MAPKAP1: variants seen among roughly 807,000 people sequenced by gnomAD.
MAPKAP1 encodes MAPK associated protein 1.
In MAPKAP1, 20 loss-of-function variants were observed where a neutral mutation model predicts 65.7. The ratio of observed to expected loss-of-function variants is 0.30; its 90% CI spans 0.21 to 0.44. The LOEUF is 0.44. Among genes scored for constraint, MAPKAP1 ranks in the 20% least tolerant of loss-of-function variants. The pLI is 1.00. For missense variants in MAPKAP1, 423 were observed against 648.0 expected, an observed-to-expected ratio of 0.65 and a Z score of 3.77; for synonymous variants, 222 against 244.3, an observed-to-expected ratio of 0.91 and a Z score of 0.85.
chr9:125,579,891 A>C (rs1425586957), intron 5 of MAPKAP1, among the ~76,000 whole-genome samples: 1 of 152,202 alleles, frequency 6.6e-6, no homozygotes, highest in Non-Finnish European at 1.5e-5. Context: ...ATTTCAAAAG[A>C]CCATGGTTTA....
chr9:125,654,915 T>C (rs1348107166), intron 4 of MAPKAP1, among the ~76,000 whole-genome samples: 1 of 152,170 alleles, frequency 6.6e-6, no homozygotes, highest in Admixed American at 6.6e-5. Context: ...AAGTAGTTTT[T>C]TAGCATATTT....
rs538120511 is a variant in MAPKAP1, at chr9:125,634,987, A to G, written c.498+22664T>C. Among the ~76,000 whole-genome samples the G allele has an allele frequency of 5.3e-5, 8 of 152,150 alleles. No homozygotes were observed. The South Asian group carries it at 1.0e-3, about 20-fold the overall frequency. ...TAGTCTTCTGCTTTTCTCCATCTCA[A>G]TCTACTGGAAGGAAATGTCATCTCC... On this transcript the variant is annotated intron_variant, in intron 4 of 11. Coordinates refer to ENST00000265960, the MANE Select transcript of MAPKAP1 (RefSeq NM_001006617.3).
intron 4 of MAPKAP1, among the ~76,000 whole-genome samples, chr9:125,646,650 A>T (rs1833734075): frequency 1.3e-5 from 2 of 152,222 alleles, no homozygotes; most frequent in South Asian, 4.1e-4. Context: ...ACTTGTTTTA[A>T]AGCTAGAAAC....
chr9:125,676,239 C>A (rs1221825539), intron 1 of MAPKAP1, among the ~76,000 whole-genome samples: 1 of 152,122 alleles, frequency 6.6e-6, no homozygotes, highest in Non-Finnish European at 1.5e-5. Context: ...TCTGGGCAAT[C>A]CTACTTCTAG....
chr9:125,566,024 G>A (rs757547860), intron 5 of MAPKAP1, among the ~76,000 whole-genome samples: 8 of 152,160 alleles, frequency 5.3e-5, no homozygotes, highest in Non-Finnish European at 1.0e-4. Flanking sequence ...CTAACTTGGT[G>A]ATTTTTACTG....
intron 5 of MAPKAP1, among the ~76,000 whole-genome samples, chr9:125,578,346 T>C (rs1831513375): frequency 6.6e-6 from 1 of 151,910 alleles, no homozygotes; most frequent in South Asian, 2.1e-4. Context: ...TGTTCACTTG[T>C]TTATCTGCTG....
chr9:125,680,642 T>C (rs1362873174), intron 1 of MAPKAP1, among the ~76,000 whole-genome samples: 1 of 152,226 alleles, frequency 6.6e-6, no homozygotes, highest in African/African-American at 2.4e-5. Flanking sequence ...AAGTGCTTAC[T>C]AGACTAAAAT....
At chr9:125,647,631 G>T (rs189442282) in intron 4 of MAPKAP1, among the ~76,000 whole-genome samples, 21 of 152,302 alleles carry the variant, frequency 1.4e-4, no homozygotes, top group Middle Eastern at 3.4e-3. Context: ...CACTGGGCAC[G>T]ATCATTCATG....
chr9:125,671,589 GT>G (rs1834498712), intron 2 of MAPKAP1, among the ~76,000 whole-genome samples: 1 of 151,404 alleles, frequency 6.6e-6, no homozygotes, highest in South Asian at 2.1e-4. Flanking sequence ...ATTTGTCTAA[GT>G]AAAAAAAAAA....
intron 4 of MAPKAP1, among the ~76,000 whole-genome samples, chr9:125,654,190 C>T (rs1423444896): frequency 6.6e-6 from 1 of 152,178 alleles, no homozygotes; most frequent in Non-Finnish European, 1.5e-5. Flanking sequence ...CTCAAAGCAA[C>T]CTCTTGTCAC....
chr9:125,665,740 T>C (rs1346327804), intron 3 of MAPKAP1, among the ~76,000 whole-genome samples: 1 of 152,250 alleles, frequency 6.6e-6, no homozygotes, highest in Non-Finnish European at 1.5e-5. Flanking sequence ...AATGTTATTA[T>C]AACATGCACT....
intron 7 of MAPKAP1, among the ~76,000 whole-genome samples, chr9:125,520,868 G>A (rs912983121): frequency 6.6e-6 from 1 of 152,204 alleles, no homozygotes; most frequent in Non-Finnish European, 1.5e-5. Flanking sequence ...GATGGAACTA[G>A]CATGGATCTA....
intron 3 of MAPKAP1, among the ~76,000 whole-genome samples, chr9:125,659,293 A>G (rs143269160): frequency 9.7e-4 from 148 of 152,322 alleles, no homozygotes; most frequent in African/African-American, 3.5e-3. Context: ...TACTAGCTCC[A>G]TGAAGAAACT....
At chr9:125,528,623 T>G (rs1321994950) in intron 7 of MAPKAP1, among the ~76,000 whole-genome samples, 1 of 151,342 alleles carries the variant, frequency 6.6e-6, no homozygotes, top group Non-Finnish European at 1.5e-5. Flanking sequence ...CCGAGGCAGG[T>G]GGATCACGAG....
chr9:125,446,072 C>T (rs1262993111), intron 10 of MAPKAP1, among the ~76,000 whole-genome samples: 1 of 152,160 alleles, frequency 6.6e-6, no homozygotes, highest in Non-Finnish European at 1.5e-5. Context: ...GAAGCAGCGG[C>T]TGGTCATAGT....
At position 125,595,581 on chromosome 9, in the gene MAPKAP1, G is replaced by C. The variant is rs1200315204; in HGVS notation, c.499-9854C>G. The C allele has an allele frequency of 7.9e-7, 1 of 1,260,318 alleles. No individual in the cohort carries two copies. Among genetic ancestry groups the C allele is most frequent in the Non-Finnish European group, 1.0e-6 (1 of 996,110 alleles). The allele number at this position is 1,260,318 out of a possible 1,614,324, so 78.1% of individuals were successfully genotyped here. On this transcript the variant is annotated intron_variant, in intron 4 of 11. Transcript: ENST00000265960. This position sits in a 1 kb window ranked among gnomAD's most constrained non-coding sequence, Gnocchi z 4.0. ...TCAGTTCAAAATAATCTTGAATTAA[G>C]AAATATCATGCTATGTTTGTCAGCT...
At chr9:125,468,829 T>C (rs1255240582) in intron 9 of MAPKAP1, among the ~76,000 whole-genome samples, 2 of 152,224 alleles carry the variant, frequency 1.3e-5, no homozygotes, top group Non-Finnish European at 2.9e-5. Context: ...TGTTCAATAC[T>C]GGCACTTCAG....
intron 4 of MAPKAP1, among the ~76,000 whole-genome samples, chr9:125,629,472 C>A (rs1370507022): frequency 1.3e-5 from 2 of 152,202 alleles, no homozygotes; most frequent in East Asian, 3.8e-4. Context: ...ACCTTGAGGA[C>A]ATGATGCTAA....
At chr9:125,625,625 T>C (rs899338633) in intron 4 of MAPKAP1, among the ~76,000 whole-genome samples, 1 of 152,080 alleles carries the variant, frequency 6.6e-6, no homozygotes, top group Non-Finnish European at 1.5e-5. Flanking sequence ...TGAAACCCCA[T>C]CTCTACTAAA....
Sources: allele counts gnomAD v4.1 joint callset (sites outside exome capture counted in the v4.1 genomes callset), GRCh38; gene constraint gnomAD v4.1.1; non-coding constraint Gnocchi (gnomAD v3.1); transcripts MANE v1.5; gene names NCBI Gene and HGNC (gene_info 2026-07-23, HGNC 2026-07-21).